Variants in CCSER1 observed in about 807,000 individuals in gnomAD.
The protein encoded by CCSER1 is coiled-coil serine rich protein 1, also known as serine-rich coiled-coil domain-containing protein 1.
CCSER1 carries 41 observed loss-of-function variants against 82.0 expected under a neutral mutation model. The observed-to-expected ratio is 0.50, with a 90% CI of 0.39 to 0.65. CCSER1 has a LOEUF of 0.65. Ranked by LOEUF, CCSER1 falls within the 30% of genes least tolerant of loss-of-function variation. The pLI, the probability that CCSER1 is intolerant of heterozygous loss-of-function variation, is 0.00. For missense variants in CCSER1, 1,119 were observed against 1,064.2 expected (o/e 1.05, Z -0.72); for synonymous variants, 414 against 383.9 (o/e 1.08, Z -0.92).
intron 7 of CCSER1, among the ~76,000 whole-genome samples, chr4:90,776,068 G>A (rs1286664753): frequency 6.6e-6 from 1 of 151,976 alleles, no homozygotes; most frequent in Non-Finnish European, 1.5e-5. Context: ...CTAGAGCAGT[G>A]TATCCCCAAA....
chr4:90,766,426 G>A (rs1038779494), intron 7 of CCSER1, among the ~76,000 whole-genome samples: 2 of 152,174 alleles, frequency 1.3e-5, no homozygotes, highest in East Asian at 1.9e-4. Context: ...CCCAGAAAGC[G>A]ATCAATCTAT....
At chr4:90,309,647 A>G in intron 2 of CCSER1, 39 bp downstream of exon 2, 1 of 1,420,084 alleles carries the variant, frequency 7.0e-7, no homozygotes. Flanking sequence ...GATATGAATT[A>G]ATTTTCATTA....
chr4:90,346,227 T>C (rs1742304674), intron 3 of CCSER1, among the ~76,000 whole-genome samples: 1 of 152,078 alleles, frequency 6.6e-6, no homozygotes, highest in South Asian at 2.1e-4. Context: ...TAACCAAATA[T>C]TTCTTGCATA....
At chr4:90,252,458 T>G (rs979065734) in intron 1 of CCSER1, among the ~76,000 whole-genome samples, 3 of 151,816 alleles carry the variant, frequency 2.0e-5, no homozygotes, top group Admixed American at 2.0e-4. Context: ...TTTTTTACTA[T>G]TTATATATTT....
intron 1 of CCSER1, among the ~76,000 whole-genome samples, chr4:90,203,713 G>A (rs558573958): frequency 6.6e-6 from 1 of 152,228 alleles, no homozygotes; most frequent in African/African-American, 2.4e-5. Context: ...ACCAAGTAAT[G>A]GGATTGCTGG....
intron 5 of CCSER1, among the ~76,000 whole-genome samples, chr4:90,543,721 C>T (rs755329684): frequency 1.3e-5 from 2 of 152,120 alleles, no homozygotes; most frequent in Non-Finnish European, 2.9e-5. Context: ...TTAACTGCAC[C>T]TGTAAGCCTG....
chr4:91,143,024 C>T lies in CCSER1; in HGVS notation c.2217+57030C>T, dbSNP rs536947065. On this transcript the variant is annotated intron_variant, in intron 10 of 10. Transcript: ENST00000509176. ...TTCTTAATACTGTGAAAAATGATGT[C>T]GCTAATTTTATAGGAACAGTGTTGA... is the stretch of plus-strand genomic sequence containing the variant. Among the ~76,000 whole-genome samples, 16 of 151,924 alleles carry T rather than the reference C, an allele frequency of 1.1e-4. 1 individual carries two copies. Among genetic ancestry groups the T allele is most frequent in the South Asian group, 1.0e-3 (5 of 4,814 alleles).
chr4:90,399,928 T>C (rs1159524854), intron 3 of CCSER1, 108 bp from the exon 4 acceptor site: 2 of 559,984 alleles, frequency 3.6e-6, no homozygotes, highest in East Asian at 2.9e-5. Flanking sequence ...AGTTAAAACT[T>C]TTCATTCTGA....
intron 5 of CCSER1, among the ~76,000 whole-genome samples, chr4:90,482,676 G>C (rs1351975476): frequency 6.6e-6 from 1 of 152,182 alleles, no homozygotes; most frequent in Non-Finnish European, 1.5e-5. Flanking sequence ...ATGTAGTTGA[G>C]CGGTTTTGAG....
chr4:90,422,766 G>A (rs989849679), intron 4 of CCSER1, among the ~76,000 whole-genome samples: 1 of 152,172 alleles, frequency 6.6e-6, no homozygotes, highest in African/African-American at 2.4e-5. Context: ...CATTACAGAA[G>A]CATCTTCAGG....
intron 1 of CCSER1, among the ~76,000 whole-genome samples, chr4:90,158,061 GTCCTT>G (rs1728641104): frequency 6.6e-6 from 1 of 152,122 alleles, no homozygotes; most frequent in Admixed American, 6.5e-5. Flanking sequence ...TGGTGTGGAT[GTCCTT>G]TCTGTTTGTT....
Position 91,166,248 on chromosome 4 carries a change from A to T in CCSER1, c.2217+80254A>T, listed in dbSNP as rs116787915. ...GACACAAGAATTACTAAATTTTTAA[A>T]AATCTAAATTTTGTCTTATAAGTTG... On this transcript the variant is annotated intron_variant, in intron 10 of 10. Coordinates refer to ENST00000509176, the MANE Select transcript of CCSER1 (RefSeq NM_001145065.2). Among the ~76,000 whole-genome samples the T allele has an allele frequency of 4.7e-3, 718 of 152,332 alleles. 6 individuals carry two copies. The highest frequency in any genetic ancestry group is 0.016 in the African/African-American group (674 of 41,566).
chr4:90,657,448 A>G (rs1045626829), intron 6 of CCSER1, among the ~76,000 whole-genome samples: 2 of 152,130 alleles, frequency 1.3e-5, no homozygotes, highest in Non-Finnish European at 2.9e-5. Context: ...CTGATCCAGT[A>G]TCTTTTCAAA....
At chr4:91,112,354 G>A (rs1726165540) in intron 10 of CCSER1, among the ~76,000 whole-genome samples, 1 of 151,646 alleles carries the variant, frequency 6.6e-6, no homozygotes, top group Admixed American at 6.6e-5. Flanking sequence ...GTGTTCTGAC[G>A]GTTCTTAAGT....
chr4:91,498,422 CT>C (rs1052536372), intron 10 of CCSER1, among the ~76,000 whole-genome samples: 2 of 150,676 alleles, frequency 1.3e-5, no homozygotes, highest in African/African-American at 4.9e-5. Context: ...TAGAAAATCA[CT>C]CCTGAGTTTA....
chr4:91,176,971 C>G (rs2149017650), intron 10 of CCSER1, among the ~76,000 whole-genome samples: 1 of 152,144 alleles, frequency 6.6e-6, no homozygotes, highest in Admixed American at 6.6e-5. Flanking sequence ...ATAAATAGCT[C>G]TTATTATTTT....
chr4:91,223,411 C>T (rs72875137), intron 10 of CCSER1, among the ~76,000 whole-genome samples: 8,815 of 151,550 alleles, frequency 0.058, 502 homozygotes, highest in African/African-American at 0.15. Flanking sequence ...CTCTAGAAGT[C>T]GGTTTAAAAG....
chr4:91,264,782 T>C (rs759841332), intron 10 of CCSER1, among the ~76,000 whole-genome samples: 3 of 152,040 alleles, frequency 2.0e-5, no homozygotes, highest in Non-Finnish European at 2.9e-5. Context: ...AAAAGATTTC[T>C]TAACTAGTTT....
rs532238523 is a variant in CCSER1, at chr4:90,326,631, A to G, written c.1509+13584A>G. On this transcript the variant is annotated intron_variant, in intron 3 of 10. Transcript: ENST00000509176. ...TTTTCATACTCAGCTAGTTATCTCA[A>G]TACCACACAGTGATTAATTTATGTG... 5.9e-5 allele frequency among the ~76,000 whole-genome samples: 9 copies of G among 152,318 alleles called. No individual in the cohort carries two copies. In the South Asian group the frequency reaches 1.0e-3, roughly 18 times the overall value.
Sources: allele counts gnomAD v4.1 joint callset (sites outside exome capture counted in the v4.1 genomes callset), GRCh38; gene constraint gnomAD v4.1.1; transcripts MANE v1.5; gene names NCBI Gene and HGNC (gene_info 2026-07-23, HGNC 2026-07-21).